The following ADPGK variants were observed in gnomAD, a reference collection of about 807,000 sequenced individuals.
ADPGK encodes ADP dependent glucokinase.
In ADPGK, 26 loss-of-function variants were observed where a neutral mutation model predicts 42.4. That is an observed-to-expected ratio of 0.61 (90% CI 0.45 to 0.85). ADPGK has a LOEUF of 0.85. ADPGK is among the 40% of genes least tolerant of loss of function. ADPGK has a pLI of 0.00. For missense variants in ADPGK, 571 were observed against 627.0 expected, an observed-to-expected ratio of 0.91 and a Z score of 0.95; for synonymous variants, 267 against 252.6, an observed-to-expected ratio of 1.06 and a Z score of -0.54.
chr15:72,765,535 C>A (rs2066248057), intron 3 of ADPGK, among the ~76,000 whole-genome samples: 1 of 152,166 alleles, frequency 6.6e-6, no homozygotes, highest in Non-Finnish European at 1.5e-5. Flanking sequence ...TGGATCTGGG[C>A]AAAGTAAACT....
intron 3 of ADPGK, among the ~76,000 whole-genome samples, chr15:72,765,106 G>A (rs2066241986): frequency 6.6e-6 from 1 of 151,872 alleles, no homozygotes; most frequent in Admixed American, 6.6e-5. Flanking sequence ...TTTCACACCT[G>A]CTAATGCAAC....
intron 4 of ADPGK, chr15:72,757,826 G>C: frequency 2.6e-6 from 1 of 387,194 alleles, no homozygotes; most frequent in South Asian, 3.3e-5. Context: ...ACACTGCTAG[G>C]AAACACGACC....
intron 4 of ADPGK, chr15:72,756,672 C>T: frequency 1.8e-6 from 1 of 567,626 alleles, no homozygotes; most frequent in East Asian, 2.9e-5. Flanking sequence ...AGTATGGGTG[C>T]TATATGCCTT....
intron 6 of ADPGK, among the ~76,000 whole-genome samples, chr15:72,754,723 G>A (rs1182503649): frequency 6.6e-6 from 1 of 152,166 alleles, no homozygotes; most frequent in Non-Finnish European, 1.5e-5. Flanking sequence ...TGAAAAGACA[G>A]AGGATACTCT....
intron 1 of ADPGK, among the ~76,000 whole-genome samples, chr15:72,782,527 C>CAAA (rs5813692): frequency 0.44 from 27,027 of 61,290 alleles, 5,268 homozygotes; most frequent in Non-Finnish European, 0.52. Context: ...ACCCTGTGTC[C>CAAA]AAAAAAAAAA....
intron 3 of ADPGK, among the ~76,000 whole-genome samples, chr15:72,771,328 G>A (rs1330500950): frequency 1.3e-5 from 2 of 152,122 alleles, no homozygotes; most frequent in Non-Finnish European, 2.9e-5. Flanking sequence ...ACGGCCAACC[G>A]TTGTTTTCCC....
chr15:72,766,545 A>G (rs1595796847), intron 3 of ADPGK, among the ~76,000 whole-genome samples: 1 of 152,170 alleles, frequency 6.6e-6, no homozygotes, highest in African/African-American at 2.4e-5. Flanking sequence ...AAGCACTCTA[A>G]AATTGTGTAC....
chr15:72,752,046 T>A lies in ADPGK; in HGVS notation c.*295A>T, dbSNP rs2066052090. On this transcript the variant is annotated 3_prime_UTR_variant, in exon 7 of 7. Coordinates refer to ENST00000456471, the MANE Select transcript of ADPGK (RefSeq NM_001365225.1). ...AACTGCTTTTCTCCAGCTGACATGC[T>A]CTCAGGGGTGAAGAAGTTTAGCTTA... The A allele has an allele frequency of 2.8e-6, 1 of 361,456 alleles. No homozygotes were observed. The highest frequency in any genetic ancestry group is 5.1e-6 in the Non-Finnish European group (1 of 197,140). 22.4% of individuals were successfully genotyped at this position (361,456 alleles called of 1,614,324 possible). A position where few individuals can be genotyped will look rare whatever the true frequency, so the allele number is the denominator to read the frequency against.
intron 4 of ADPGK, chr15:72,758,028 A>C (rs990007587): frequency 3.7e-5 from 58 of 1,562,224 alleles, no homozygotes; most frequent in Non-Finnish European, 4.8e-5. Flanking sequence ...GAAAACCACC[A>C]GCTGAGATCT....
At chr15:72,756,477 G>T (rs752077054) in intron 4 of ADPGK, 30 bp from the exon 5 acceptor site, 12 of 1,612,430 alleles carry the variant, frequency 7.4e-6, no homozygotes, top group Non-Finnish European at 9.3e-6. Context: ...ACAATGGGAA[G>T]AAAAGGAAGA....
chr15:72,766,104 C>T (rs1691715214), intron 3 of ADPGK, among the ~76,000 whole-genome samples: 1 of 152,164 alleles, frequency 6.6e-6, no homozygotes, highest in African/African-American at 2.4e-5. Context: ...CTTCCTGCCT[C>T]AGCTTCCCAA....
intron 1 of ADPGK, among the ~76,000 whole-genome samples, chr15:72,779,077 A>G (rs554775135): frequency 1.3e-5 from 2 of 152,328 alleles, no homozygotes; most frequent in African/African-American, 4.8e-5. Flanking sequence ...AAACCCACGT[A>G]GGAAGTATAC....
intron 1 of ADPGK, among the ~76,000 whole-genome samples, chr15:72,780,172 A>G (rs1465149479): frequency 6.6e-6 from 1 of 152,212 alleles, no homozygotes; most frequent in Admixed American, 6.5e-5. Context: ...GTAATTTATA[A>G]AGGAAAGAGG....
intron 1 of ADPGK, among the ~76,000 whole-genome samples, chr15:72,777,012 A>G (rs182415175): frequency 3.1e-4 from 47 of 152,346 alleles, no homozygotes; most frequent in African/African-American, 1.1e-3. Flanking sequence ...GAACTTCTCC[A>G]TGACACACAC....
chr15:72,779,483 G>A (rs2066430672), intron 1 of ADPGK, among the ~76,000 whole-genome samples: 2 of 152,008 alleles, frequency 1.3e-5, no homozygotes, highest in South Asian at 4.1e-4. Flanking sequence ...GACCTCAGGT[G>A]ATCCACCCAC....
At chr15:72,780,994 T>C (rs1477007861) in intron 1 of ADPGK, among the ~76,000 whole-genome samples, 2 of 152,154 alleles carry the variant, frequency 1.3e-5, no homozygotes, top group Non-Finnish European at 2.9e-5. Flanking sequence ...AAGATATTCC[T>C]CCTTATGAAT....
At chr15:72,766,719 C>T (rs1442773983) in intron 3 of ADPGK, among the ~76,000 whole-genome samples, 1 of 152,002 alleles carries the variant, frequency 6.6e-6, no homozygotes, top group Non-Finnish European at 1.5e-5. Flanking sequence ...CTGAGGTATG[C>T]CTGTTATCAC....
chr15:72,762,950 G>T (rs1465893818), intron 3 of ADPGK, among the ~76,000 whole-genome samples: 1 of 152,122 alleles, frequency 6.6e-6, no homozygotes, highest in Non-Finnish European at 1.5e-5. Context: ...ACTCTGGCAT[G>T]GGCGACAAAG....
At chr15:72,758,014 T>C in intron 4 of ADPGK, 2 of 1,522,760 alleles carry the variant, frequency 1.3e-6, no homozygotes, top group Non-Finnish European at 1.8e-6. Flanking sequence ...GGCTGGAACC[T>C]GAAGAAAACC....
Sources: allele counts gnomAD v4.1 joint callset (sites outside exome capture counted in the v4.1 genomes callset), GRCh38; gene constraint gnomAD v4.1.1; transcripts MANE v1.5; gene names NCBI Gene and HGNC (gene_info 2026-07-23, HGNC 2026-07-21).